SLC17A1: variants seen among roughly 807,000 people sequenced by gnomAD.
The protein encoded by SLC17A1 is sodium-dependent phosphate transport protein 1.
Under a neutral mutation model 53.5 loss-of-function variants are expected in SLC17A1, and 51 were observed. The observed-to-expected ratio is 0.95, with a 90% CI of 0.76 to 1.20. The LOEUF (loss-of-function observed/expected upper bound fraction) is 1.20. Among genes scored for constraint, SLC17A1 ranks in the 50% most tolerant of loss-of-function variants. The probability of loss-of-function intolerance (pLI) is 0.00; values close to 1 mark genes in which losing one functional copy is unlikely to be tolerated. For missense variants in SLC17A1, 538 were observed against 568.2 expected, an observed-to-expected ratio of 0.95 and a Z score of 0.54; for synonymous variants, 179 against 198.8, an observed-to-expected ratio of 0.90 and a Z score of 0.84.
the SLC17A1 span, among the ~76,000 whole-genome samples, chr6:25,733,770 C>T: frequency 6.8e-6 from 1 of 147,662 alleles, no homozygotes; most frequent in Admixed American, 6.8e-5. Context: ...TATCTCAAAC[C>T]AAAGCCTAAT....
chr6:25,779,162 A>G, downstream of SLC17A1: 2 of 1,613,826 alleles, frequency 1.2e-6, no homozygotes, highest in Non-Finnish European at 1.7e-6. Context: ...GGACTGGGCT[A>G]AAGAGCAGAC....
rs1365356722 is a variant in SLC17A1 at position 25,819,826 on chromosome 6, T to A, written c.297A>T (p.Gly99=). The A allele has an allele frequency of 1.2e-6, 2 of 1,614,068 alleles. No individual in the cohort carries two copies. The highest frequency in any genetic ancestry group is 1.3e-5 in the African/African-American group (1 of 75,012). ...TTGTAGAATATATTCCAGAGAAGTA[T>A]CCAACAGGAACTTGGATGATGATGA... is the stretch of plus-strand genomic sequence containing the variant. ...YGVIIIQVPV[G]YFSGIYSTKK... is the part of the protein sequence containing the mutation. Residue 99 remains glycine, a synonymous_variant, in exon 4 of 13, where the codon GGA becomes GGT. Transcript: ENST00000244527.
chr6:25,777,640 C>A, the SLC17A1 span: 1 of 290,774 alleles, frequency 3.4e-6, no homozygotes, highest in Non-Finnish European at 6.4e-6. Flanking sequence ...GACCATCAAT[C>A]TGACCATCTT....
At chr6:25,750,873 T>C in the SLC17A1 span, among the ~76,000 whole-genome samples, 1 of 152,002 alleles carries the variant, frequency 6.6e-6, no homozygotes, top group Non-Finnish European at 1.5e-5. Flanking sequence ...ACTATTCAAA[T>C]ATGGTCAAAG....
chr6:25,825,786 A>G (rs1414109848), intron 3 of SLC17A1, among the ~76,000 whole-genome samples: 1 of 152,046 alleles, frequency 6.6e-6, no homozygotes, highest in African/African-American at 2.4e-5. Context: ...ATGTTACACC[A>G]TTTGATACTG....
chr6:25,725,618 T>TA, the SLC17A1 span, among the ~76,000 whole-genome samples: 197 of 152,260 alleles, frequency 1.3e-3, 1 homozygote, highest in African/African-American at 4.5e-3. Context: ...TAGTTTGAGA[T>TA]AGTCTCGCTC....
Position 25,811,468 on chromosome 6 carries a change from T to G in SLC17A1, c.1108A>C (p.Ile370Leu), listed in dbSNP as rs747514047. 6.2e-7 allele frequency: 1 copy of G among 1,613,924 alleles called. No homozygotes were observed. Among genetic ancestry groups the G allele is most frequent in the South Asian group, 1.1e-5 (1 of 91,064 alleles). ...STFYSIVIFL[I>L]LAGATGSFCL... ...AAGCTGCCTGTTGCACCAGCAAGTA[T>G]TAGGAAAATGACAATGCTGTAGAAG... is the stretch of plus-strand genomic sequence containing the variant. Residue 370 changes from isoleucine to leucine, a missense_variant, in exon 10 of 13, where the codon ATA becomes CTA. Coordinates refer to ENST00000244527, the MANE Select transcript of SLC17A1 (RefSeq NM_005074.5).
the SLC17A1 span, among the ~76,000 whole-genome samples, chr6:25,776,329 T>G: frequency 6.6e-6 from 1 of 152,154 alleles, no homozygotes; most frequent in Non-Finnish European, 1.5e-5. Flanking sequence ...CTTTGCCTAT[T>G]TTTGTACTGG....
intron 10 of SLC17A1, among the ~76,000 whole-genome samples, chr6:25,807,649 T>C (rs1277447336): frequency 6.6e-6 from 1 of 152,070 alleles, no homozygotes; most frequent in East Asian, 1.9e-4. Flanking sequence ...GTCCATTATG[T>C]TATTTTTATA....
At chr6:25,767,720 G>C in the SLC17A1 span, among the ~76,000 whole-genome samples, 1 of 152,164 alleles carries the variant, frequency 6.6e-6, no homozygotes, top group South Asian at 2.1e-4. Flanking sequence ...TAGCTGAGGT[G>C]CCCATTCTTA....
the SLC17A1 span, among the ~76,000 whole-genome samples, chr6:25,741,429 A>C: frequency 2.0e-5 from 3 of 151,308 alleles, no homozygotes; most frequent in South Asian, 2.1e-4. Context: ...AAAAAAAAAA[A>C]AAAAAAAGGG....
the SLC17A1 span, among the ~76,000 whole-genome samples, chr6:25,736,247 C>T: frequency 6.6e-6 from 1 of 152,062 alleles, no homozygotes; most frequent in South Asian, 2.1e-4. Flanking sequence ...ACCCTTTCCT[C>T]CTTAATTTAT....
At chr6:25,773,838 T>G in the SLC17A1 span, among the ~76,000 whole-genome samples, 3 of 152,182 alleles carry the variant, frequency 2.0e-5, no homozygotes, top group Non-Finnish European at 4.4e-5. Flanking sequence ...TTCTGATTGA[T>G]CTCAATGTGG....
chr6:25,814,146 G>C (rs1004193240), intron 6 of SLC17A1, among the ~76,000 whole-genome samples: 2 of 152,160 alleles, frequency 1.3e-5, no homozygotes, highest in African/African-American at 4.8e-5. Flanking sequence ...TGAATAATTT[G>C]ACTGTGAGGA....
chr6:25,794,932 C>T (rs1250336265), intron 12 of SLC17A1, among the ~76,000 whole-genome samples: 1 of 152,162 alleles, frequency 6.6e-6, no homozygotes, highest in Non-Finnish European at 1.5e-5. Context: ...GTAAGGTAAC[C>T]CGCTTTGCAG....
intron 10 of SLC17A1, among the ~76,000 whole-genome samples, chr6:25,801,905 C>T (rs1189650428): frequency 1.4e-5 from 2 of 147,912 alleles, no homozygotes; most frequent in Admixed American, 1.4e-4. Flanking sequence ...CTCTTTTTGA[C>T]GATCTAGGGA....
chr6:25,779,015 T>C (rs1763166340), downstream of SLC17A1: 1 of 1,609,840 alleles, frequency 6.2e-7, no homozygotes, highest in Non-Finnish European at 8.5e-7. Context: ...GGGACAGGAA[T>C]TGGGTGACCG....
At chr6:25,742,758 C>T in the SLC17A1 span, among the ~76,000 whole-genome samples, 1 of 152,142 alleles carries the variant, frequency 6.6e-6, no homozygotes, top group African/African-American at 2.4e-5. Context: ...TAGCTATGAT[C>T]CTGCCACTGC....
At chr6:25,778,419 T>C (rs1419321178), downstream of SLC17A1, among the ~76,000 whole-genome samples, 1 of 152,100 alleles carries the variant, frequency 6.6e-6, no homozygotes, top group African/African-American at 2.4e-5. Flanking sequence ...CCCTTCTCTT[T>C]TCTTGAAGCT....
Sources: allele counts gnomAD v4.1 joint callset (sites outside exome capture counted in the v4.1 genomes callset), GRCh38; gene constraint gnomAD v4.1.1; transcripts MANE v1.5; gene names NCBI Gene and HGNC (gene_info 2026-07-23, HGNC 2026-07-21).